SMURF1: variants seen among roughly 807,000 people sequenced by gnomAD.
SMURF1 encodes E3 ubiquitin-protein ligase SMURF1.
A neutral mutation model predicts 98.0 loss-of-function variants in SMURF1; 44 were observed. The ratio of observed to expected loss-of-function variants is 0.45; its 90% CI spans 0.35 to 0.58. SMURF1 has a LOEUF of 0.58. SMURF1 is among the 20% of genes least tolerant of loss of function. SMURF1 has a pLI of 0.00. For missense variants in SMURF1, 687 were observed against 938.4 expected (o/e 0.73, Z 3.50); for synonymous variants, 396 against 374.9 (o/e 1.06, Z -0.65).
intron 16 of SMURF1, among the ~76,000 whole-genome samples, chr7:99,033,330 A>G (rs958072485): frequency 6.6e-5 from 10 of 152,126 alleles, no homozygotes; most frequent in Non-Finnish European, 1.5e-4. Context: ...CACTTTTTTG[A>G]GACAGGGTCT....
chr7:99,057,109 C>A, intron 5 of SMURF1, 96 bp downstream of exon 5: 1 of 1,328,382 alleles, frequency 7.5e-7, no homozygotes, highest in Non-Finnish European at 1.1e-6. Flanking sequence ...TGAGGCCCGT[C>A]AGCATCGTCA....
rs60082842 is a variant in SMURF1, at chr7:99,093,613, C to CAA, written c.56-31778_56-31777dup. The stretch of plus-strand genomic sequence containing the variant: ...CAGTTTTACGCCTATAATTTCCATG[C>CAA]AAAAAAAAAAAATCATTTTATGCCA... On this transcript the variant is annotated intron_variant, in intron 1 of 17. Coordinates refer to ENST00000361368, the MANE Select transcript of SMURF1 (RefSeq NM_181349.3). Among the ~76,000 whole-genome samples the CAA allele has an allele frequency of 2.8e-3, 398 of 142,126 alleles. 2 individuals carry two copies. The highest frequency in any genetic ancestry group is 9.5e-3 in the African/African-American group (376 of 39,648). The allele number at this position is 142,126 out of a possible 152,430, so 93.2% of individuals were successfully genotyped here. A position where few individuals can be genotyped will look rare whatever the true frequency, so the allele number is the denominator to read the frequency against.
At chr7:99,119,044 T>TAG (rs1563037126) in intron 1 of SMURF1, among the ~76,000 whole-genome samples, 1 of 80,968 alleles carries the variant, frequency 1.2e-5, no homozygotes, top group African/African-American at 4.8e-5. Context: ...TTTTTTTTTT[T>TAG]AGAGACAGGG....
At chr7:99,083,170 A>G (rs1332142512) in intron 1 of SMURF1, among the ~76,000 whole-genome samples, 1 of 152,192 alleles carries the variant, frequency 6.6e-6, no homozygotes, top group African/African-American at 2.4e-5. Flanking sequence ...TGACTACACT[A>G]AAAACCACAG....
At chr7:99,136,389 G>C (rs1268732706) in intron 1 of SMURF1, among the ~76,000 whole-genome samples, 2 of 152,044 alleles carry the variant, frequency 1.3e-5, no homozygotes, top group African/African-American at 4.8e-5. Flanking sequence ...ACAGATTGTT[G>C]TTCCTAGTTT....
At chr7:99,063,241 T>TTTTATATATATA (rs1796084918) in intron 1 of SMURF1, among the ~76,000 whole-genome samples, 1 of 34,912 alleles carries the variant, frequency 2.9e-5, no homozygotes. Context: ...TAAGATTTAT[T>TTTTATATATATA]TATATATATA....
chr7:99,047,296 C>T (rs1336770401), intron 10 of SMURF1, among the ~76,000 whole-genome samples: 1 of 152,194 alleles, frequency 6.6e-6, no homozygotes, highest in Non-Finnish European at 1.5e-5. Context: ...CTGGGGAAAG[C>T]GCAGATTGCA....
chr7:99,117,005 T>TC (rs1660455318), intron 1 of SMURF1, among the ~76,000 whole-genome samples: 1 of 151,944 alleles, frequency 6.6e-6, no homozygotes, highest in African/African-American at 2.4e-5. Context: ...ACATTATAGA[T>TC]CAACAGGATA....
rs760603834 is a variant in SMURF1, at chr7:99,030,535, C to T, written c.*49G>A. 3 of 1,510,052 alleles carry T rather than the reference C, an allele frequency of 2.0e-6. No homozygotes were observed. The highest frequency in any genetic ancestry group is 2.7e-5 in the African/African-American group (2 of 72,766). The allele number at this position is 1,510,052 out of a possible 1,614,324, so 93.5% of individuals were successfully genotyped here. On this transcript the variant is annotated 3_prime_UTR_variant, in exon 18 of 18. Coordinates refer to ENST00000361368, the MANE Select transcript of SMURF1 (RefSeq NM_181349.3). Reference sequence around the variant, plus strand: ...GCAGGAGGTGCACAGAAGCTGGATGCTTTTGGTCTGGTGGCCATGAGCTAG... The same window carrying T: ...GCAGGAGGTGCACAGAAGCTGGATGTTTTTGGTCTGGTGGCCATGAGCTAG...
At chr7:99,050,893 G>C in intron 8 of SMURF1, 1 of 1,227,156 alleles carries the variant, frequency 8.1e-7, no homozygotes. Context: ...CTGTTATGGG[G>C]TGGGGGGGGG....
chr7:99,082,701 T>G (rs1796598508), intron 1 of SMURF1, among the ~76,000 whole-genome samples: 1 of 152,236 alleles, frequency 6.6e-6, no homozygotes, highest in Non-Finnish European at 1.5e-5. Context: ...ATTCTAGATC[T>G]CTTGCATTTC....
At chr7:99,118,970 C>CCCATCTCA (rs1489634988) in intron 1 of SMURF1, among the ~76,000 whole-genome samples, 4 of 143,364 alleles carry the variant, frequency 2.8e-5, no homozygotes, top group Non-Finnish European at 6.0e-5. Context: ...AAGCGATCGT[C>CCCATCTCA]CCATCTCAGC....
chr7:99,075,339 C>G (rs1026980062), intron 1 of SMURF1, among the ~76,000 whole-genome samples: 47 of 152,138 alleles, frequency 3.1e-4, no homozygotes, highest in African/African-American at 1.0e-3. Flanking sequence ...TCAGGCTGGG[C>G]TTGAACTCCT....
intron 1 of SMURF1, among the ~76,000 whole-genome samples, chr7:99,100,816 G>T (rs1186338862): frequency 2.0e-5 from 3 of 152,214 alleles, no homozygotes; most frequent in Non-Finnish European, 4.4e-5. Flanking sequence ...GTGAAGAGAT[G>T]AAATTTAGAC....
rs1795333587 is a variant in SMURF1 at position 99,040,450 on chromosome 7, A to G, written c.1478T>C (p.Leu493Pro). 2 of 1,595,344 alleles carry G rather than the reference A, an allele frequency of 1.3e-6. No individual in the cohort carries two copies. The highest frequency in any genetic ancestry group is 1.8e-5 in the Admixed American group (1 of 57,098). Residue 493 changes from leucine (L) to proline (P), a missense_variant, in exon 13 of 18, where the codon CTG becomes CCG. Leu to Pro is a moderately conservative substitution (Grantham distance 98, BLOSUM62 -3). This residue lies in a region of SMURF1 where 272 missense variants were observed against 430.0 expected (regional missense o/e 0.63). Coordinates refer to ENST00000361368, the MANE Select transcript of SMURF1 (RefSeq NM_181349.3). Reference sequence around the variant, plus strand: ...ATCTGAGAGCTGGATGGGCTTCCCCAGCAGCTGCTTGTAGAAGGGCACTGT... The same window carrying G: ...ATCTGAGAGCTGGATGGGCTTCCCCGGCAGCTGCTTGTAGAAGGGCACTGT... ...GFTVPFYKQL[L>P]GKPIQLSDLE... is the part of the protein sequence containing the mutation.
At chr7:99,129,819 G>C (rs770722373) in intron 1 of SMURF1, among the ~76,000 whole-genome samples, 6 of 152,220 alleles carry the variant, frequency 3.9e-5, no homozygotes, top group African/African-American at 1.4e-4. Context: ...TTGGCGGTCT[G>C]TGGGATTCAA....
chr7:99,096,717 G>A (rs537895734), intron 1 of SMURF1, among the ~76,000 whole-genome samples: 137 of 152,230 alleles, frequency 9.0e-4, no homozygotes, highest in African/African-American at 3.1e-3. Flanking sequence ...AGCTGGAGAC[G>A]TAAAAACTCT....
chr7:99,143,422 C>A (rs1440912542), intron 1 of SMURF1, among the ~76,000 whole-genome samples: 1 of 121,880 alleles, frequency 8.2e-6, no homozygotes, highest in East Asian at 2.4e-4. Flanking sequence ...GAAGGAGATG[C>A]AAGGGGCGTG....
In SMURF1 at chr7:99,061,926, C is replaced by T. The variant is rs929791165; in HGVS notation, c.56-89G>A. The T allele has an allele frequency of 7.3e-6, 7 of 954,294 alleles. No homozygotes were observed. The African/African-American group carries it at 1.2e-4, about 16-fold the overall frequency. 59.1% of individuals were successfully genotyped at this position (954,294 alleles called of 1,614,324 possible). A position where few individuals can be genotyped will look rare whatever the true frequency, so the allele number is the denominator to read the frequency against. ...ATATTTACACCCGAACAAAAAGACT[C>T]TAAAAATTAGCTTTGCCGAAGATTT... On this transcript the variant is annotated intron_variant, in intron 1 of 17. Transcript: ENST00000361368.
Sources: gnomAD v4.1 joint callset for allele counts (sites outside exome capture counted in the v4.1 genomes callset) on GRCh38, gnomAD v4.1.1 for gene constraint, gnomAD v4.1.1 regional missense constraint, MANE v1.5 for transcripts, NCBI Gene and HGNC (gene_info 2026-07-23, HGNC 2026-07-21) for gene names.